KCNIP4: variants seen among roughly 807,000 people sequenced by gnomAD.
The protein encoded by KCNIP4 is Kv channel-interacting protein 4.
In KCNIP4, 12 loss-of-function variants were observed where a neutral mutation model predicts 34.0. That is an observed-to-expected ratio of 0.35 (90% CI 0.23 to 0.57). KCNIP4 has a LOEUF of 0.57. KCNIP4 is among the 20% of genes least tolerant of loss of function. KCNIP4 has a pLI of 0.83. For missense variants in KCNIP4, 238 were observed against 311.7 expected, an observed-to-expected ratio of 0.76 and a Z score of 1.78; for synonymous variants, 124 against 102.2, an observed-to-expected ratio of 1.21 and a Z score of -1.29.
chr4:21,301,571 G>T (rs1161449136), intron 1 of KCNIP4, among the ~76,000 whole-genome samples: 1 of 152,122 alleles, frequency 6.6e-6, no homozygotes, highest in African/African-American at 2.4e-5. Context: ...CATGCAAAAT[G>T]GTGCAGGAGG....
chr4:21,119,485 A>G (rs1225975071), intron 1 of KCNIP4, among the ~76,000 whole-genome samples: 2 of 148,110 alleles, frequency 1.4e-5, no homozygotes, highest in African/African-American at 2.5e-5. Context: ...ACAACTTTCT[A>G]CATTTGTTGC....
At chr4:21,056,843 A>G (rs1560682913) in intron 1 of KCNIP4, among the ~76,000 whole-genome samples, 1 of 152,132 alleles carries the variant, frequency 6.6e-6, no homozygotes, top group Non-Finnish European at 1.5e-5. Flanking sequence ...TTTGGGAGAT[A>G]ATTAGATTTC....
chr4:21,133,916 A>G (rs957115860), intron 1 of KCNIP4, among the ~76,000 whole-genome samples: 6 of 152,146 alleles, frequency 3.9e-5, no homozygotes, highest in Non-Finnish European at 7.3e-5. Flanking sequence ...TTCTAACTCA[A>G]AGTTTCTCTG....
intron 2 of KCNIP4, among the ~76,000 whole-genome samples, chr4:20,868,866 G>A (rs1193736243): frequency 6.6e-6 from 1 of 152,026 alleles, no homozygotes; most frequent in Non-Finnish European, 1.5e-5. Flanking sequence ...TACCTATTGG[G>A]TACTATGCTC....
intron 1 of KCNIP4, among the ~76,000 whole-genome samples, chr4:20,920,411 G>C (rs1729278010): frequency 6.6e-6 from 1 of 152,166 alleles, no homozygotes; most frequent in Non-Finnish European, 1.5e-5. Flanking sequence ...TTCTCATCTT[G>C]AAAGGCTTTC....
At chr4:21,325,304 G>A (rs1714924509) in intron 1 of KCNIP4, among the ~76,000 whole-genome samples, 1 of 151,498 alleles carries the variant, frequency 6.6e-6, no homozygotes, top group Non-Finnish European at 1.5e-5. Context: ...CTAAGGTTTT[G>A]GGTTTCTTTG....
intron 1 of KCNIP4, among the ~76,000 whole-genome samples, chr4:21,500,519 C>T (rs114480899): frequency 0.019 from 2,962 of 152,176 alleles, 92 homozygotes; most frequent in East Asian, 0.12. Context: ...GATATGGATT[C>T]CAATCACGAT....
chr4:21,868,901 A>G (rs1725590569), intron 1 of KCNIP4, among the ~76,000 whole-genome samples: 1 of 152,188 alleles, frequency 6.6e-6, no homozygotes, highest in African/African-American at 2.4e-5. Context: ...TGATAGCAAA[A>G]GGTGTTTATA....
chr4:20,929,177 T>C (rs1338647198), intron 1 of KCNIP4, among the ~76,000 whole-genome samples: 1 of 151,980 alleles, frequency 6.6e-6, no homozygotes, highest in African/African-American at 2.4e-5. Flanking sequence ...AAAAAGATTA[T>C]ACATCATGAC....
chr4:21,786,056 C>T (rs1345052420), intron 1 of KCNIP4, among the ~76,000 whole-genome samples: 2 of 152,218 alleles, frequency 1.3e-5, no homozygotes, highest in East Asian at 1.9e-4. Flanking sequence ...TCAAGCGATT[C>T]CCCTGCCTCA....
intron 1 of KCNIP4, among the ~76,000 whole-genome samples, chr4:21,087,892 A>G (rs996688917): frequency 9.2e-5 from 14 of 152,154 alleles, no homozygotes; most frequent in Non-Finnish European, 7.3e-5. Flanking sequence ...TAGACATTTA[A>G]TGATAAAAAT....
At chr4:21,193,571 A>AT (rs71655619) in intron 1 of KCNIP4, among the ~76,000 whole-genome samples, 1,890 of 119,194 alleles carry the variant, frequency 0.016, 47 homozygotes, top group Middle Eastern at 0.02. Context: ...GCAATTTTAA[A>AT]TTTTTTTTTT....
chr4:21,145,563 A>G lies in KCNIP4; in HGVS notation c.62-262854T>C, dbSNP rs561738015. On this transcript the variant is annotated intron_variant, in intron 1 of 8. Transcript: ENST00000382152. ...CCAAAGGTTAAAGCTTTCAGAGTGC[A>G]ACAGAGTCCTCCAATATTTCCTGGG... 2.0e-5 allele frequency among the ~76,000 whole-genome samples: 3 copies of G among 152,340 alleles called. No individual in the cohort carries two copies. The South Asian group carries it at 6.2e-4, about 32-fold the overall frequency.
intron 1 of KCNIP4, among the ~76,000 whole-genome samples, chr4:21,397,759 A>G (rs1053084354): frequency 6.6e-6 from 1 of 152,228 alleles, no homozygotes; most frequent in African/African-American, 2.4e-5. Context: ...TTGCTATGAA[A>G]GAATGGGGAC....
At chr4:21,520,319 G>T (rs1271257827) in intron 1 of KCNIP4, among the ~76,000 whole-genome samples, 1 of 152,062 alleles carries the variant, frequency 6.6e-6, no homozygotes, top group African/African-American at 2.4e-5. Flanking sequence ...CAGCCATACT[G>T]GCACTCTGAT....
chr4:20,882,580 A>G (rs753122260), intron 2 of KCNIP4, 28 bp downstream of exon 2: 11 of 1,157,982 alleles, frequency 9.5e-6, no homozygotes, highest in East Asian at 5.5e-5. Context: ...GTTTCGGAGG[A>G]AAAAAAAAAA....
intron 1 of KCNIP4, among the ~76,000 whole-genome samples, chr4:20,966,125 G>T (rs77911064): frequency 0.053 from 8,022 of 152,184 alleles, 670 homozygotes; most frequent in African/African-American, 0.18. Flanking sequence ...CTGAATATTG[G>T]GAAGATAGAT....
chr4:21,236,434 C>G (rs1759364662), intron 1 of KCNIP4, among the ~76,000 whole-genome samples: 1 of 152,100 alleles, frequency 6.6e-6, no homozygotes, highest in South Asian at 2.1e-4. Context: ...CATATTACAA[C>G]CATTCAAATG....
chr4:20,933,757 A>G (rs1730744377), intron 1 of KCNIP4, among the ~76,000 whole-genome samples: 1 of 148,684 alleles, frequency 6.7e-6, no homozygotes, highest in Non-Finnish European at 1.5e-5. Flanking sequence ...AAAAAAAAAG[A>G]AAGAAATTTA....
Sources: gnomAD v4.1 joint callset for allele counts (sites outside exome capture counted in the v4.1 genomes callset) on GRCh38, gnomAD v4.1.1 for gene constraint, MANE v1.5 for transcripts, NCBI Gene and HGNC (gene_info 2026-07-23, HGNC 2026-07-21) for gene names.